Variants in UNC5D observed in about 807,000 individuals in gnomAD.
UNC5D encodes netrin receptor UNC5D.
In UNC5D, 39 loss-of-function variants were observed where a neutral mutation model predicts 105.4. The observed-to-expected ratio is 0.37, with a 90% CI of 0.29 to 0.48. The LOEUF (loss-of-function observed/expected upper bound fraction) is 0.48, where lower values mean the gene tolerates loss of function less well. Ranked by LOEUF, UNC5D falls within the 20% of genes least tolerant of loss-of-function variation. The pLI is 0.98. For synonymous variants in UNC5D, 452 were observed against 450.4 expected, an observed-to-expected ratio of 1.00 and a Z score of -0.04; for missense variants, 991 against 1,202.4, an observed-to-expected ratio of 0.82 and a Z score of 2.60.
chr8:35,422,074 T>C (rs563762150), intron 1 of UNC5D, among the ~76,000 whole-genome samples: 5 of 152,230 alleles, frequency 3.3e-5, no homozygotes, highest in Non-Finnish European at 7.3e-5. Context: ...TGGTAAACCA[T>C]GAACGGTATA....
intron 1 of UNC5D, among the ~76,000 whole-genome samples, chr8:35,319,606 G>T (rs1027294591): frequency 2.6e-5 from 4 of 152,082 alleles, no homozygotes; most frequent in African/African-American, 9.7e-5. Flanking sequence ...TTAGCAAAGA[G>T]AATCACTAGA....
At chr8:35,374,672 A>G (rs1802597333) in intron 1 of UNC5D, among the ~76,000 whole-genome samples, 1 of 152,182 alleles carries the variant, frequency 6.6e-6, no homozygotes, top group Admixed American at 6.5e-5. Flanking sequence ...TTTATCTTTA[A>G]TCTTCCTCTG....
intron 1 of UNC5D, among the ~76,000 whole-genome samples, chr8:35,437,147 G>A (rs115748067): frequency 0.014 from 2,165 of 151,932 alleles, 61 homozygotes; most frequent in African/African-American, 0.05. Context: ...CTCATACTTC[G>A]TTATTCTAAG....
intron 1 of UNC5D, among the ~76,000 whole-genome samples, chr8:35,325,790 G>C (rs1455176491): frequency 6.6e-6 from 1 of 152,112 alleles, no homozygotes; most frequent in Non-Finnish European, 1.5e-5. Flanking sequence ...AATGGAAAAG[G>C]ATGGAACATT....
At chr8:35,307,940 T>C (rs1808550994) in intron 1 of UNC5D, among the ~76,000 whole-genome samples, 1 of 152,180 alleles carries the variant, frequency 6.6e-6, no homozygotes, top group South Asian at 2.1e-4. Context: ...TTGGCATATG[T>C]GGCGATATTG....
rs560967654 is a variant in UNC5D, at chr8:35,391,249, C to A, written c.103+155362C>A. On this transcript the variant is annotated intron_variant, in intron 1 of 16. Transcript: ENST00000404895. ...GAAGAAGCCACCTCGTGTACTTTCC[C>A]AAAAAAGATTCCTGGGATTCCTTCT... Among the ~76,000 whole-genome samples, 7 of 152,184 alleles carry A rather than the reference C, an allele frequency of 4.6e-5. 1 individual carries two copies. The highest frequency in any genetic ancestry group is 1.7e-4 in the African/African-American group (7 of 41,544).
intron 7 of UNC5D, among the ~76,000 whole-genome samples, chr8:35,689,688 C>G (rs970100490): frequency 6.6e-6 from 1 of 152,178 alleles, no homozygotes; most frequent in Non-Finnish European, 1.5e-5. Context: ...GGAGCATTCT[C>G]TCTTACTCAG....
chr8:35,367,676 A>G (rs1041914051), intron 1 of UNC5D, among the ~76,000 whole-genome samples: 8 of 151,990 alleles, frequency 5.3e-5, no homozygotes, highest in Non-Finnish European at 1.2e-4. Context: ...AAAATATGGC[A>G]TTAGTCAGGG....
At chr8:35,707,198 G>T (rs1411099780) in intron 8 of UNC5D, among the ~76,000 whole-genome samples, 1 of 152,186 alleles carries the variant, frequency 6.6e-6, no homozygotes, top group Non-Finnish European at 1.5e-5. Flanking sequence ...TGGGACAGGG[G>T]TCACAAGACA....
At chr8:35,512,535 G>GGA (rs1554547740) in intron 1 of UNC5D, among the ~76,000 whole-genome samples, 4 of 33,422 alleles carry the variant, frequency 1.2e-4, no homozygotes, top group African/African-American at 4.4e-4. Context: ...ATTCAGATAT[G>GGA]TATGTATATA....
chr8:35,555,090 C>T (rs1816441878), intron 2 of UNC5D, among the ~76,000 whole-genome samples: 1 of 152,198 alleles, frequency 6.6e-6, no homozygotes, highest in Admixed American at 6.5e-5. Context: ...ATTCACAAAT[C>T]ACTAAAGTAC....
rs1026260191 is a variant in UNC5D, at chr8:35,639,492, C to T, written c.570+43835C>T. 5.9e-5 allele frequency among the ~76,000 whole-genome samples: 9 copies of T among 152,028 alleles called. No homozygotes were observed. The East Asian group carries it at 7.7e-4, about 13-fold the overall frequency. ...TCATAATATGGTGAATTTAATCAAA[C>T]GTAATATATTTATTACATTGGCAGG... is the stretch of plus-strand genomic sequence containing the variant. On this transcript the variant is annotated intron_variant, in intron 4 of 16. Transcript: ENST00000404895.
chr8:35,649,463 A>C (rs568380278), intron 4 of UNC5D, among the ~76,000 whole-genome samples: 1 of 152,214 alleles, frequency 6.6e-6, no homozygotes, highest in East Asian at 1.9e-4. Flanking sequence ...AGATTATCCA[A>C]TGAGAATTTT....
At chr8:35,547,782 T>C (rs1586103096) in intron 1 of UNC5D, among the ~76,000 whole-genome samples, 1 of 152,204 alleles carries the variant, frequency 6.6e-6, no homozygotes, top group East Asian at 1.9e-4. Context: ...TTGGATCTGA[T>C]GGGTGAGTGC....
chr8:35,682,408 T>G (rs1034841754), intron 4 of UNC5D, among the ~76,000 whole-genome samples: 2 of 152,234 alleles, frequency 1.3e-5, no homozygotes, highest in Admixed American at 1.3e-4. Flanking sequence ...TATGCTCCTG[T>G]GTGACTTCTC....
chr8:35,726,509 G>T lies in UNC5D; in HGVS notation c.1661G>T (p.Arg554Leu). 6.2e-7 allele frequency: 1 copy of T among 1,612,668 alleles called. No homozygotes were observed. The highest frequency in any genetic ancestry group is 8.5e-7 in the Non-Finnish European group (1 of 1,179,962). Residue 554 changes from arginine to leucine, a missense_variant, in exon 10 of 17, where the codon CGC becomes CTC. Around this residue, in one of 3 missense-constraint regions of UNC5D, gnomAD observed 944 missense variants for 1,131.6 expected, o/e 0.83. Transcript: ENST00000404895. ...GGTGTCTTTGGCCATTTAGGGGGGC[G>T]CTTAGTAATGCCAAATACAGGTGGG... ...TTGVFGHLGGRLVMPNTGVSL... is the reference protein window; with the variant it reads ...TTGVFGHLGGLLVMPNTGVSL...
chr8:35,452,962 C>T (rs977731706), intron 1 of UNC5D, among the ~76,000 whole-genome samples: 1 of 152,050 alleles, frequency 6.6e-6, no homozygotes, highest in Non-Finnish European at 1.5e-5. Flanking sequence ...AGTATTGGAA[C>T]AAATTGATGT....
chr8:35,495,455 C>CAAAAAA (rs1417671723), intron 1 of UNC5D, among the ~76,000 whole-genome samples: 1 of 32,406 alleles, frequency 3.1e-5, no homozygotes, highest in Non-Finnish European at 7.2e-5. Flanking sequence ...ACAACAACAA[C>CAAAAAA]AACAAAAAAA....
At chr8:35,329,235 T>C (rs16883822) in intron 1 of UNC5D, among the ~76,000 whole-genome samples, 4,668 of 152,200 alleles carry the variant, frequency 0.031, 252 homozygotes, top group African/African-American at 0.11. Flanking sequence ...AATTGTCCAC[T>C]TCCCAAGTCC....
Sources: allele counts gnomAD v4.1 joint callset (sites outside exome capture counted in the v4.1 genomes callset), GRCh38; gene constraint gnomAD v4.1.1; regional missense constraint gnomAD v4.1.1; transcripts MANE v1.5; gene names NCBI Gene and HGNC (gene_info 2026-07-23, HGNC 2026-07-21).